EPAS1: variants seen among roughly 807,000 people sequenced by gnomAD.
EPAS1 encodes endothelial PAS domain-containing protein 1.
In EPAS1, 23 loss-of-function variants were observed where a neutral mutation model predicts 87.9. That is an observed-to-expected ratio of 0.26 (90% CI 0.19 to 0.37). The LOEUF is 0.37. Among genes scored for constraint, EPAS1 ranks in the 10% least tolerant of loss-of-function variants. The pLI is 1.00. For missense variants in EPAS1, 1,138 were observed against 1,120.7 expected (o/e 1.02, Z -0.22); for synonymous variants, 508 against 444.3 (o/e 1.14, Z -1.80).
At chr2:46,348,294 G>A (rs1033513497) in intron 2 of EPAS1, among the ~76,000 whole-genome samples, 1 of 152,130 alleles carries the variant, frequency 6.6e-6, no homozygotes. Context: ...CAAGACAATG[G>A]CAGATACATG....
chr2:46,384,784 G>C lies in EPAS1; in HGVS notation c.*124G>C. ...ACTATTTACAAGATGGACTTACCTG[G>C]CAGACTTGCCCAGGTCACCAAGCAG... is the stretch of plus-strand genomic sequence containing the variant. On this transcript the variant is annotated 3_prime_UTR_variant, in exon 16 of 16. Coordinates refer to ENST00000263734, the MANE Select transcript of EPAS1 (RefSeq NM_001430.5). The C allele has an allele frequency of 1.5e-6, 2 of 1,329,774 alleles. No homozygotes were observed. The highest frequency in any genetic ancestry group is 2.1e-6 in the Non-Finnish European group (2 of 963,052). The allele number at this position is 1,329,774 out of a possible 1,614,324, so 82.4% of individuals were successfully genotyped here.
intron 6 of EPAS1, among the ~76,000 whole-genome samples, chr2:46,369,324 C>G (rs139097287): frequency 1.3e-5 from 2 of 152,194 alleles, no homozygotes; most frequent in Non-Finnish European, 2.9e-5. Flanking sequence ...AAAGGTGGCT[C>G]TACCTGGGGC....
chr2:46,301,968 G>A (rs547656087), intron 1 of EPAS1, among the ~76,000 whole-genome samples: 131 of 152,240 alleles, frequency 8.6e-4, no homozygotes, highest in African/African-American at 3.0e-3. Context: ...TGCAAGGACC[G>A]CTCCTCAGTG....
rs1192546315 is a variant in EPAS1 at position 46,300,229 on chromosome 2, CTG to C, written c.26+2294_26+2295del. 6.6e-6 allele frequency among the ~76,000 whole-genome samples: 1 copy of C among 152,214 alleles called. No individual in the cohort carries two copies. Among genetic ancestry groups the C allele is most frequent in the East Asian group, 1.9e-4 (1 of 5,208 alleles). On this transcript the variant is annotated intron_variant, in intron 1 of 15. Coordinates refer to ENST00000263734, the MANE Select transcript of EPAS1 (RefSeq NM_001430.5). The surrounding 1 kb of genome is among the most constrained non-coding windows in gnomAD (Gnocchi z 4.1). ...GTTGGTGTTGTCATGTAAGTGACTG[CTG>C]TAGCTTTTCTGAGTGCCTCACAAGG...
At position 46,360,558 on chromosome 2, in the gene EPAS1, A is replaced by G; in HGVS notation, c.455-80A>G. 1 of 1,269,130 alleles carries G rather than the reference A, an allele frequency of 7.9e-7. No individual in the cohort carries two copies. The highest frequency in any genetic ancestry group is 1.2e-6 in the Non-Finnish European group (1 of 866,116). 78.6% of individuals were successfully genotyped at this position (1,269,130 alleles called of 1,614,324 possible). A position where few individuals can be genotyped will look rare whatever the true frequency, so the allele number is the denominator to read the frequency against. On this transcript the variant is annotated intron_variant, in intron 4 of 15. Transcript: ENST00000263734. This position sits in a 1 kb window ranked among gnomAD's most constrained non-coding sequence, Gnocchi z 4.5. ...AAAATATAAACAATAGGCTGCCAAG[A>G]AAAACTGCAGCTGGGCCCCTCTCAT...
In EPAS1 at chr2:46,356,174, G is replaced by C. The variant is rs202074818; in HGVS notation, c.241G>C (p.Ala81Pro). The C allele has an allele frequency of 6.7e-7, 1 of 1,497,314 alleles. No individual in the cohort carries two copies. The highest frequency in any genetic ancestry group is 9.1e-7 in the Non-Finnish European group (1 of 1,097,060). The allele number at this position is 1,497,314 out of a possible 1,614,324, so 92.8% of individuals were successfully genotyped here. The change falls in exon 3 of 16, where the codon GCC (alanine) becomes CCC (proline). Residue 81 changes from alanine to proline, a missense_variant. Physicochemically the swap from Ala to Pro is conservative, Grantham distance 27. Coordinates refer to ENST00000263734, the MANE Select transcript of EPAS1 (RefSeq NM_001430.5). ...AGTTTGCTCTGAAAACGAGTCCGAA[G>C]CCGAAGCTGACCAGCAGATGGACAA... ...SSVCSENESE[A>P]EADQQMDNLY...
Position 46,356,747 on chromosome 2 carries a change from C to T in EPAS1, c.393C>T (p.Ile131=), listed in dbSNP as rs1309105470. ...LTQVELTGHS[I]FDFTHPCDHE... is the part of the protein sequence containing the mutation. ...AGGTGGAGCTAACAGGACATAGTAT[C>T]TTTGACTTCACTCATCCCTGCGACC... Residue 131 remains isoleucine, a synonymous_variant, in exon 4 of 16, where the codon ATC becomes ATT. Transcript: ENST00000263734. The T allele has an allele frequency of 6.8e-6, 11 of 1,613,940 alleles. No homozygotes were observed. The highest frequency in any genetic ancestry group is 1.6e-4 in the Middle Eastern group (1 of 6,062).
At position 46,369,864 on chromosome 2, in the gene EPAS1, C is replaced by A. The variant is rs772856960; in HGVS notation, c.817C>A (p.Leu273Ile). ...GATTGGTTACCACCCTGAGGAGCTG[C>A]TTGGCCGCTCAGCCTATGAATTCTA... ...ELIGYHPEEL[L>I]GRSAYEFYHA... Residue 273 changes from leucine to isoleucine, a missense_variant, in exon 7 of 16, where the codon CTT becomes ATT. Physicochemically the swap from Leu to Ile is conservative, Grantham distance 5. Around this residue, in one of 4 missense-constraint regions of EPAS1, gnomAD observed 351 missense variants for 417.1 expected, o/e 0.84. Coordinates refer to ENST00000263734, the MANE Select transcript of EPAS1 (RefSeq NM_001430.5). 2 of 1,613,374 alleles carry A rather than the reference C, an allele frequency of 1.2e-6. No homozygotes were observed. Among genetic ancestry groups the A allele is most frequent in the East Asian group, 4.5e-5 (2 of 44,884 alleles).
chr2:46,343,151 C>T (rs1000397385), intron 1 of EPAS1, among the ~76,000 whole-genome samples: 3 of 152,128 alleles, frequency 2.0e-5, no homozygotes, highest in South Asian at 2.1e-4. Context: ...CTACTGTGAC[C>T]GGCACCTGTG....
Position 46,371,101 on chromosome 2 carries a change from CACAGTGGTGCAG to C in EPAS1, c.886+1179_886+1190del. Reference sequence around the variant, plus strand: ...AAAAGAATGCTTCAAAACGAGTGCCCACAGTGGTGCAGACAGTGGTGCTGAGAGGATTATGGG... The same window carrying C: ...AAAAGAATGCTTCAAAACGAGTGCCCACAGTGGTGCTGAGAGGATTATGGG... On this transcript the variant is annotated intron_variant, in intron 7 of 15. Transcript: ENST00000263734. The surrounding 1 kb of genome is among the most constrained non-coding windows in gnomAD (Gnocchi z 4.3). Among the ~76,000 whole-genome samples, 1 of 152,258 alleles carries C rather than the reference CACAGTGGTGCAG, an allele frequency of 6.6e-6. No individual in the cohort carries two copies. The highest frequency in any genetic ancestry group is 1.9e-4 in the East Asian group (1 of 5,180).
chr2:46,301,662 C>T (rs1572610320), intron 1 of EPAS1, among the ~76,000 whole-genome samples: 1 of 151,660 alleles, frequency 6.6e-6, no homozygotes, highest in East Asian at 1.9e-4. Context: ...GGAGAGTACC[C>T]CAGCCCTGAA....
intron 1 of EPAS1, among the ~76,000 whole-genome samples, chr2:46,322,365 T>TA (rs1366531154): frequency 1.3e-5 from 2 of 152,216 alleles, no homozygotes; most frequent in East Asian, 3.8e-4. Flanking sequence ...TCATGACTGA[T>TA]AAAACATAAC....
chr2:46,311,031 G>T (rs544268007), intron 1 of EPAS1, among the ~76,000 whole-genome samples: 1 of 152,070 alleles, frequency 6.6e-6, no homozygotes, highest in East Asian at 1.9e-4. Flanking sequence ...TGCCTGCCAC[G>T]ATGCCCAGCT....
chr2:46,384,883 G>C lies in EPAS1; in HGVS notation c.*223G>C. 1.7e-6 allele frequency: 1 copy of C among 600,638 alleles called. No individual in the cohort carries two copies. The highest frequency in any genetic ancestry group is 2.0e-5 in the South Asian group (1 of 49,470). 37.2% of individuals were successfully genotyped at this position (600,638 alleles called of 1,614,324 possible). ...ACAATTGTTTTACCTGTTCTGAAAT[G>C]TTCTTAAATTTTGTAGGATTTTTTT... On this transcript the variant is annotated 3_prime_UTR_variant, in exon 16 of 16. Transcript: ENST00000263734.
In EPAS1 at chr2:46,382,457, G is replaced by A. The variant is rs750808298; in HGVS notation, c.2320G>A (p.Gly774Ser). ...KFTQNPMRGL[G>S]HPLRHLPLPQ... Reference sequence around the variant, plus strand: ...CACCCAAAACCCCATGAGGGGCCTGGGCCATCCCCTGAGACATCTGCCGCT... The same window carrying A: ...CACCCAAAACCCCATGAGGGGCCTGAGCCATCCCCTGAGACATCTGCCGCT... The change falls in exon 15 of 16, where the codon GGC becomes AGC. Residue 774 changes from glycine (G) to serine (S), a missense_variant. By Grantham distance (56) the Gly-to-Ser change is moderately conservative. This residue lies in a region of EPAS1 where 502 missense variants were observed against 427.1 expected (regional missense o/e 1.18). Transcript: ENST00000263734. The A allele has an allele frequency of 1.9e-6, 3 of 1,614,012 alleles. No homozygotes were observed. Among genetic ancestry groups the A allele is most frequent in the South Asian group, 1.1e-5 (1 of 91,086 alleles).
chr2:46,319,098 A>G (rs546022587), intron 1 of EPAS1, among the ~76,000 whole-genome samples: 1 of 152,346 alleles, frequency 6.6e-6, no homozygotes, highest in African/African-American at 2.4e-5. Flanking sequence ...ATTTCTGACC[A>G]GTGTGTTAGC....
rs1266726227 is a variant in EPAS1 at position 46,297,795 on chromosome 2, C to T, written c.-117C>T. 2.1e-6 allele frequency: 3 copies of T among 1,409,608 alleles called. No individual in the cohort carries two copies. In the African/African-American group the frequency reaches 4.3e-5, roughly 20 times the overall value. 87.3% of individuals were successfully genotyped at this position (1,409,608 alleles called of 1,614,324 possible). On this transcript the variant is annotated 5_prime_UTR_variant, in exon 1 of 16. Coordinates refer to ENST00000263734, the MANE Select transcript of EPAS1 (RefSeq NM_001430.5). Reference sequence around the variant, plus strand: ...GCGCGGGGCGCTCGGGACCTGCGCGCACCTCGGACCTTCACCACCCGCCCG... The same window carrying T: ...GCGCGGGGCGCTCGGGACCTGCGCGTACCTCGGACCTTCACCACCCGCCCG...
chr2:46,350,328 T>C (rs1684122888), intron 2 of EPAS1, among the ~76,000 whole-genome samples: 1 of 152,226 alleles, frequency 6.6e-6, no homozygotes, highest in African/African-American at 2.4e-5. Flanking sequence ...GCTGGTTGCA[T>C]ACCTCAAAGT....
chr2:46,382,416 G>A lies in EPAS1; in HGVS notation c.2288-9G>A, dbSNP rs775644061. ...ATGCTACCGTCACTCTCTGACTTTG[G>A]TCTTTCAGATAAGTTCACCCAAAAC... On this transcript the variant is annotated splice_polypyrimidine_tract_variant and intron_variant, in intron 14 of 15. Coordinates refer to ENST00000263734, the MANE Select transcript of EPAS1 (RefSeq NM_001430.5). 3.1e-5 allele frequency: 50 copies of A among 1,614,108 alleles called. No homozygotes were observed. The highest frequency in any genetic ancestry group is 3.9e-5 in the Non-Finnish European group (46 of 1,180,024).
Sources: gnomAD v4.1 joint callset for allele counts (sites outside exome capture counted in the v4.1 genomes callset) on GRCh38, gnomAD v4.1.1 for gene constraint, gnomAD v4.1.1 regional missense constraint, Gnocchi (gnomAD v3.1) non-coding constraint, MANE v1.5 for transcripts, NCBI Gene and HGNC (gene_info 2026-07-23, HGNC 2026-07-21) for gene names.